LGSN: variants seen among roughly 807,000 people sequenced by gnomAD.
LGSN encodes lengsin, lens protein with glutamine synthetase domain.
LGSN carries 21 observed loss-of-function variants against 19.5 expected under a neutral mutation model. The observed-to-expected ratio is 1.07, with a 90% CI of 0.76 to 1.55. The LOEUF (loss-of-function observed/expected upper bound fraction) is 1.55, where lower values mean the gene tolerates loss of function less well. Ranked by LOEUF, LGSN falls within the 40% of genes most tolerant of loss-of-function variation. The probability of loss-of-function intolerance (pLI) is 0.00; values close to 1 mark genes in which losing one functional copy is unlikely to be tolerated. For missense variants in LGSN, 673 were observed against 608.5 expected (o/e 1.11, Z -1.12); for synonymous variants, 257 against 215.6 (o/e 1.19, Z -1.68).
In LGSN at chr6:63,279,893, A is replaced by T; in HGVS notation, c.*128T>A. The T allele has an allele frequency of 5.5e-6, 5 of 901,118 alleles. No homozygotes were observed. Among genetic ancestry groups the T allele is most frequent in the Non-Finnish European group, 6.8e-6 (4 of 586,502 alleles). 55.8% of individuals were successfully genotyped at this position (901,118 alleles called of 1,614,324 possible). A position where few individuals can be genotyped will look rare whatever the true frequency, so the allele number is the denominator to read the frequency against. On this transcript the variant is annotated 3_prime_UTR_variant, in exon 4 of 4. Coordinates refer to ENST00000370657, the MANE Select transcript of LGSN (RefSeq NM_016571.3). ...TGTCAAATATTCCATGGACAAAAAA[A>T]AAAGTCAAAAGCATTCGTAATCTTG...
At chr6:63,289,320 T>C (rs1457960424) in intron 2 of LGSN, among the ~76,000 whole-genome samples, 2 of 152,232 alleles carry the variant, frequency 1.3e-5, no homozygotes, top group Non-Finnish European at 2.9e-5. Flanking sequence ...ATGAGAACGC[T>C]ATCCAATCCC....
the LGSN span, among the ~76,000 whole-genome samples, chr6:63,432,179 GAAAGAAAAGAAAAGAAAAGAAAAGA>G: frequency 0.11 from 12,044 of 113,576 alleles, 1,812 homozygotes; most frequent in African/African-American, 0.29. Flanking sequence ...GAAAAGGAAA[GAAAGAAAAGAAAAGAAAAGAAAAGA>G]AAAGAAAAGA....
At chr6:63,385,111 T>C in the LGSN span, among the ~76,000 whole-genome samples, 4 of 152,368 alleles carry the variant, frequency 2.6e-5, 1 homozygote, top group South Asian at 8.3e-4. Flanking sequence ...TATTTGGTTA[T>C]GGCAGCCCTA....
chr6:63,383,832 C>T, the LGSN span, among the ~76,000 whole-genome samples: 3 of 152,090 alleles, frequency 2.0e-5, no homozygotes, highest in Admixed American at 6.6e-5. Flanking sequence ...GGGTAAATAA[C>T]TCATAGAGGA....
At chr6:63,360,266 G>A in the LGSN span, among the ~76,000 whole-genome samples, 2 of 152,132 alleles carry the variant, frequency 1.3e-5, no homozygotes, top group Admixed American at 1.3e-4. Context: ...TTTTCAACTT[G>A]GTTCCATTCT....
chr6:63,543,886 T>C, the LGSN span, among the ~76,000 whole-genome samples: 2 of 152,266 alleles, frequency 1.3e-5, no homozygotes. Context: ...CGTGTTTATT[T>C]GTACACAAAA....
chr6:63,395,265 G>GA, the LGSN span: 1 of 152,228 alleles, frequency 6.6e-6, no homozygotes, highest in African/African-American at 2.4e-5. Context: ...AATTAATAGT[G>GA]AAGTATAATA....
chr6:63,325,103 CAAAA>C, the LGSN span, among the ~76,000 whole-genome samples: 3,250 of 65,216 alleles, frequency 0.05, 120 homozygotes, highest in African/African-American at 0.16. Context: ...AACTCTGTCT[CAAAA>C]AAAAAAAAAA....
the LGSN span, among the ~76,000 whole-genome samples, chr6:63,423,705 A>G: frequency 6.6e-6 from 1 of 152,114 alleles, no homozygotes; most frequent in South Asian, 2.1e-4. Context: ...AAATGTGCAT[A>G]TATCAAACAA....
chr6:63,421,508 T>C, the LGSN span, among the ~76,000 whole-genome samples: 1 of 151,868 alleles, frequency 6.6e-6, no homozygotes, highest in East Asian at 1.9e-4. Flanking sequence ...GGCAGGCAGA[T>C]CACCAGGTCA....
chr6:63,523,087 A>G, the LGSN span, among the ~76,000 whole-genome samples: 3 of 151,814 alleles, frequency 2.0e-5, no homozygotes, highest in African/African-American at 7.3e-5. Context: ...GCTGGTCTCA[A>G]ACTCCTGACC....
At chr6:63,541,531 C>T in the LGSN span, among the ~76,000 whole-genome samples, 8 of 151,966 alleles carry the variant, frequency 5.3e-5, no homozygotes, top group East Asian at 1.9e-4. Context: ...CCAGCCTGGG[C>T]GACCTTGTCT....
chr6:63,356,943 T>C, the LGSN span, among the ~76,000 whole-genome samples: 3 of 151,702 alleles, frequency 2.0e-5, no homozygotes, highest in Non-Finnish European at 2.9e-5. Context: ...AACTCGTCAT[T>C]TAACATTAGT....
intron 2 of LGSN, among the ~76,000 whole-genome samples, chr6:63,291,438 G>A (rs1203926684): frequency 6.6e-6 from 1 of 152,144 alleles, no homozygotes; most frequent in Non-Finnish European, 1.5e-5. Flanking sequence ...ATGGGATGGA[G>A]TGGGAATATG....
chr6:63,564,728 T>C, the LGSN span, among the ~76,000 whole-genome samples: 1 of 152,218 alleles, frequency 6.6e-6, no homozygotes, highest in Non-Finnish European at 1.5e-5. Context: ...TGTGGCATAA[T>C]TCAACATGTT....
chr6:63,496,666 A>G, the LGSN span, among the ~76,000 whole-genome samples: 6 of 147,946 alleles, frequency 4.1e-5, no homozygotes, highest in African/African-American at 1.3e-4. Flanking sequence ...ATAGATTACT[A>G]TAACCTTGAA....
chr6:63,504,685 C>T, the LGSN span, among the ~76,000 whole-genome samples: 1 of 152,168 alleles, frequency 6.6e-6, no homozygotes, highest in African/African-American at 2.4e-5. Flanking sequence ...CTCATGTGAT[C>T]CACCCACCTC....
chr6:63,437,106 AG>A, the LGSN span, among the ~76,000 whole-genome samples: 1 of 108,754 alleles, frequency 9.2e-6, no homozygotes, highest in Admixed American at 1.0e-4. Flanking sequence ...GGAAGGGAGA[AG>A]GAAAAGAAAG....
the LGSN span, among the ~76,000 whole-genome samples, chr6:63,399,870 T>A: frequency 1.3e-5 from 2 of 152,188 alleles, no homozygotes; most frequent in East Asian, 1.9e-4. Flanking sequence ...TATTTTTTTT[T>A]ATTTATTTTT....
Sources: gnomAD v4.1 joint callset for allele counts (sites outside exome capture counted in the v4.1 genomes callset) on GRCh38, gnomAD v4.1.1 for gene constraint, MANE v1.5 for transcripts, NCBI Gene and HGNC (gene_info 2026-07-23, HGNC 2026-07-21) for gene names.